The following RGS11 variants were observed in gnomAD, a reference collection of about 807,000 sequenced individuals.
The protein encoded by RGS11 is regulator of G protein signaling 11, also known as regulator of G-protein signaling 11.
In RGS11, 86 loss-of-function variants were observed where a neutral mutation model predicts 71.1. The ratio of observed to expected loss-of-function variants is 1.21; its 90% CI spans 1.02 to 1.45. The LOEUF is 1.45. Ranked by LOEUF, RGS11 falls within the 40% of genes most tolerant of loss-of-function variation. The pLI is 0.00. For synonymous variants in RGS11, 298 were observed against 254.2 expected (o/e 1.17, Z -1.64); for missense variants, 734 against 635.1 (o/e 1.16, Z -1.67).
Position 275,339 on chromosome 16 carries a change from C to T in RGS11, c.161-6G>A. 1 of 1,612,268 alleles carries T rather than the reference C, an allele frequency of 6.2e-7. No homozygotes were observed. The highest frequency in any genetic ancestry group is 1.1e-5 in the South Asian group (1 of 91,070). ...CCACTGCACGACGTCGCTGCCTGCA[C>T]GGGAGAGACAGAGGTGGAGGGAGGC... is the stretch of plus-strand genomic sequence containing the variant. On this transcript the variant is annotated splice_region_variant and splice_polypyrimidine_tract_variant and intron_variant, in intron 2 of 16. Coordinates refer to ENST00000397770, the MANE Select transcript of RGS11 (RefSeq NM_183337.3).
In RGS11 at chr16:269,238, A is replaced by G. The variant is rs377266331; in HGVS notation, c.*31T>C. The G allele has an allele frequency of 6.3e-6, 9 of 1,437,406 alleles. No individual in the cohort carries two copies. The highest frequency in any genetic ancestry group is 2.4e-5 in the East Asian group (1 of 41,118). 89.0% of individuals were successfully genotyped at this position (1,437,406 alleles called of 1,614,324 possible). A position where few individuals can be genotyped will look rare whatever the true frequency, so the allele number is the denominator to read the frequency against. ...GCATTCACGCAGGACGTTGAGCTGCAGGGACTAGAGTGGCAGATGGGCCAG... is the reference window on the plus strand; with the variant it reads ...GCATTCACGCAGGACGTTGAGCTGCGGGGACTAGAGTGGCAGATGGGCCAG... On this transcript the variant is annotated 3_prime_UTR_variant, in exon 17 of 17. Transcript: ENST00000397770.
Position 269,281 on chromosome 16 carries a change from ATC to A in RGS11, c.1390_1391del (p.Asp464TrpfsTer13). 1.3e-6 allele frequency: 2 copies of A among 1,571,898 alleles called. No homozygotes were observed. The highest frequency in any genetic ancestry group is 1.7e-6 in the Non-Finnish European group (2 of 1,159,710). On this transcript the variant is annotated frameshift_variant, in exon 17 of 17. Coordinates refer to ENST00000397770, the MANE Select transcript of RGS11 (RefSeq NM_183337.3). LOFTEE classifies it high-confidence loss of function. ...PTAACGPGGG[D>X]GVA ...TGGGCCAGGTCCACTAGGCCACCCC[ATC>A]TCCACCCCCAGGGCCACAAGCCGCT...
At chr16:274,388 T>A (rs1296296718) in intron 4 of RGS11, 123 bp from the exon 5 acceptor site, 5 of 1,017,942 alleles carry the variant, frequency 4.9e-6, no homozygotes, top group Non-Finnish European at 7.2e-6. Context: ...AGGATCTCCC[T>A]GCCTGCCCAC....
chr16:270,650 G>T lies in RGS11; in HGVS notation c.1079C>A (p.Ala360Asp). ...LVDAVYEQFL[A>D]PGAAHWVNID... ...GTTGACCCAGTGGGCAGCTCCGGGG[G>T]CCAGGAACTGCCTAGGGGTGGGGAC... Residue 360 changes from alanine (A) to aspartate (D), a missense_variant, in exon 15 of 17, where the codon GCC becomes GAC. Physicochemically the swap from Ala to Asp is moderately radical, Grantham distance 126. Coordinates refer to ENST00000397770, the MANE Select transcript of RGS11 (RefSeq NM_183337.3). 9 of 1,609,672 alleles carry T rather than the reference G, an allele frequency of 5.6e-6. No individual in the cohort carries two copies. Among genetic ancestry groups the T allele is most frequent in the Non-Finnish European group, 7.6e-6 (9 of 1,178,744 alleles).
Position 274,228 on chromosome 16 carries a change from G to A in RGS11, c.356C>T (p.Ala119Val), listed in dbSNP as rs1176799694. ...CCCTTGCTCACCATAGTCCAGCTCT[G>A]CAGCCGGCCTCAGGGTACTTGTCCA... Reference protein sequence around the residue: ...YFWTSTLRPAAELDYAIYLAK... With the variant: ...YFWTSTLRPAVELDYAIYLAK... The change falls in exon 5 of 17, where the codon GCA (alanine) becomes GTA (valine). Residue 119 changes from alanine to valine, a missense_variant. Coordinates refer to ENST00000397770, the MANE Select transcript of RGS11 (RefSeq NM_183337.3). 1.9e-6 allele frequency: 3 copies of A among 1,610,912 alleles called. No individual in the cohort carries two copies. The highest frequency in any genetic ancestry group is 2.7e-5 in the African/African-American group (2 of 74,872).
Position 274,038 on chromosome 16 carries a change from C to T in RGS11, c.429+5G>A, listed in dbSNP as rs1472027421. ...AGCCGGGGCGGGAAGGGTGGGGGGT[C>T]CCACCTTCTCATAATCCACCAGGGT... is the stretch of plus-strand genomic sequence containing the variant. On this transcript the variant is annotated splice_donor_5th_base_variant and intron_variant, in intron 6 of 16. Coordinates refer to ENST00000397770, the MANE Select transcript of RGS11 (RefSeq NM_183337.3). 4 of 1,549,466 alleles carry T rather than the reference C, an allele frequency of 2.6e-6. No homozygotes were observed. The highest frequency in any genetic ancestry group is 1.9e-4 in the Middle Eastern group (1 of 5,350).
Position 272,923 on chromosome 16 carries a change from G to A in RGS11, c.597C>T (p.Ala199=), listed in dbSNP as rs1198626513. The A allele has an allele frequency of 1.3e-6, 2 of 1,515,298 alleles. No homozygotes were observed. Among genetic ancestry groups the A allele is most frequent in the East Asian group, 2.5e-5 (1 of 40,306 alleles). 93.9% of individuals were successfully genotyped at this position (1,515,298 alleles called of 1,614,324 possible). ...CTGGACCCTGCTCCAGCACATCGGGGGCCCCGGGCTGCGGAGGGGAGACGA... is the reference window on the plus strand; with the variant it reads ...CTGGACCCTGCTCCAGCACATCGGGAGCCCCGGGCTGCGGAGGGGAGACGA... ...YWLVNRPPPG[A]PDVLEQGPGR... The change falls in exon 9 of 17, where the codon GCC becomes GCT. Residue 199 remains alanine, a synonymous_variant. Coordinates refer to ENST00000397770, the MANE Select transcript of RGS11 (RefSeq NM_183337.3).
intron 4 of RGS11, 99 bp downstream of exon 4, chr16:274,877 C>T: frequency 6.7e-7 from 1 of 1,501,632 alleles, no homozygotes; most frequent in Non-Finnish European, 9.0e-7. Context: ...CCACTCCAAT[C>T]CCAGCAAGCT....
At position 271,335 on chromosome 16, in the gene RGS11, C is replaced by T. The variant is rs1048401933; in HGVS notation, c.750-20G>A. ...AGGTACCTGGAAGGGGGTATGGGGG[C>T]TGGTGCAGGAGGGGCCTCAGCACTC... On this transcript the variant is annotated intron_variant, in intron 11 of 16. Transcript: ENST00000397770. The T allele has an allele frequency of 6.2e-7, 1 of 1,612,466 alleles. No homozygotes were observed.
In RGS11 at chr16:268,748, C is replaced by T. The variant is rs1231718134; in HGVS notation, c.*521G>A. 1 of 1,545,510 alleles carries T rather than the reference C, an allele frequency of 6.5e-7. No homozygotes were observed. Among genetic ancestry groups the T allele is most frequent in the Non-Finnish European group, 8.7e-7 (1 of 1,144,692 alleles). On this transcript the variant is annotated 3_prime_UTR_variant, in exon 17 of 17. Transcript: ENST00000397770. ...GGCAGTGACCTCGAGGCAGCCTCAG[C>T]ACGGCACTCTCTTGGGTCCTCTTCC...
chr16:272,755 C>G, intron 9 of RGS11, 108 bp downstream of exon 9: 1 of 1,521,888 alleles, frequency 6.6e-7, no homozygotes, highest in Non-Finnish European at 8.8e-7. Flanking sequence ...ACCAAGTGCC[C>G]TCTGGGTGGA....
rs1351342774 is a variant in RGS11, at chr16:272,939, G to A, written c.589-8C>T. 8.7e-6 allele frequency: 13 copies of A among 1,491,840 alleles called. No homozygotes were observed. Among genetic ancestry groups the A allele is most frequent in the East Asian group, 2.5e-5 (1 of 39,922 alleles). The allele number at this position is 1,491,840 out of a possible 1,614,324, so 92.4% of individuals were successfully genotyped here. A position where few individuals can be genotyped will look rare whatever the true frequency, so the allele number is the denominator to read the frequency against. ...CACATCGGGGGCCCCGGGCTGCGGA[G>A]GGGAGACGAGATGAGGTGGGGATGC... On this transcript the variant is annotated splice_polypyrimidine_tract_variant and splice_region_variant and intron_variant, in intron 8 of 16. Coordinates refer to ENST00000397770, the MANE Select transcript of RGS11 (RefSeq NM_183337.3).
In RGS11 at chr16:269,571, C is replaced by A; in HGVS notation, c.1221G>T (p.Arg407Ser). The change falls in exon 16 of 17, where the codon AGG becomes AGT. Residue 407 changes from arginine (R) to serine (S), a missense_variant. Physicochemically the swap from Arg to Ser is moderately radical, Grantham distance 110 (BLOSUM62 -1). Coordinates refer to ENST00000397770, the MANE Select transcript of RGS11 (RefSeq NM_183337.3). ...CCTTGTACATGTCAGACTTCAGGAA[C>A]CTTGGGTAGGAGTCCTACAAGAGAC... is the stretch of plus-strand genomic sequence containing the variant. ...YMLMKKDSYP[R>S]FLKSDMYKAL... 1 of 1,613,290 alleles carries A rather than the reference C, an allele frequency of 6.2e-7. No homozygotes were observed. The highest frequency in any genetic ancestry group is 1.1e-5 in the South Asian group (1 of 91,090).
rs539720134 is a variant in RGS11 at position 268,337 on chromosome 16, T to C, written c.*932A>G. On this transcript the variant is annotated 3_prime_UTR_variant, in exon 17 of 17. Coordinates refer to ENST00000397770, the MANE Select transcript of RGS11 (RefSeq NM_183337.3). ...TCAGAGCCAGGGCCCAAGGGTCTTT[T>C]ATTTGTGTGCTGGACGCTGTTGGGA... The C allele has an allele frequency of 4.0e-6, 1 of 248,008 alleles. No homozygotes were observed. The highest frequency in any genetic ancestry group is 8.0e-6 in the Non-Finnish European group (1 of 125,062). The allele number at this position is 248,008 out of a possible 1,614,324, so 15.4% of individuals were successfully genotyped here. A position where few individuals can be genotyped will look rare whatever the true frequency, so the allele number is the denominator to read the frequency against.
intron 4 of RGS11, 80 bp downstream of exon 4, chr16:274,896 C>G: frequency 6.5e-7 from 1 of 1,536,570 alleles, no homozygotes; most frequent in Non-Finnish European, 8.8e-7. Flanking sequence ...CTCGGCGCCC[C>G]TCCTGTCTCC....
Position 273,055 on chromosome 16 carries a change from C to T in RGS11, c.589-124G>A, listed in dbSNP as rs868443895. On this transcript the variant is annotated intron_variant, in intron 8 of 16. Coordinates refer to ENST00000397770, the MANE Select transcript of RGS11 (RefSeq NM_183337.3). The stretch of plus-strand genomic sequence containing the variant: ...ACTCAAAGGAACTCGGGAAGAGTCC[C>T]GACCTAGCCGTCAGCTGTCTCTTCT... 50 of 905,558 alleles carry T rather than the reference C, an allele frequency of 5.5e-5. 2 individuals carry two copies. In the Middle Eastern group the frequency reaches 4.8e-3, roughly 86 times the overall value. The allele number at this position is 905,558 out of a possible 1,614,324, so 56.1% of individuals were successfully genotyped here.
rs1040837713 is a variant in RGS11, at chr16:268,670, T to G, written c.*599A>C. ...GGGAAAGCAGGTGCCGGCGCACCTG[T>G]GGACAAATTCTGGAACGCGTTTGGC... is the stretch of plus-strand genomic sequence containing the variant. On this transcript the variant is annotated 3_prime_UTR_variant, in exon 17 of 17. Coordinates refer to ENST00000397770, the MANE Select transcript of RGS11 (RefSeq NM_183337.3). The G allele has an allele frequency of 6.4e-6, 8 of 1,246,674 alleles. No homozygotes were observed. In the Admixed American group the frequency reaches 1.6e-4, roughly 26 times the overall value. 77.2% of individuals were successfully genotyped at this position (1,246,674 alleles called of 1,614,324 possible). A position where few individuals can be genotyped will look rare whatever the true frequency, so the allele number is the denominator to read the frequency against.
Position 273,825 on chromosome 16 carries a change from G to A in RGS11, c.441C>T (p.Asp147=). The change falls in exon 7 of 17, where the codon GAC becomes GAT. Residue 147 remains aspartate (D), a synonymous_variant. Transcript: ENST00000397770. Reference sequence around the variant, plus strand: ...CGTGGTTGATCTTCTTGTGTAGCCGGTCATAGCAGTCCTGGGGGCAGCGAG... The same window carrying A: ...CGTGGTTGATCTTCTTGTGTAGCCGATCATAGCAGTCCTGGGGGCAGCGAG... The part of the protein sequence containing the change: ...TLVDYEKDCY[D]RLHKKINHAW... 1 of 1,613,398 alleles carries A rather than the reference G, an allele frequency of 6.2e-7. No homozygotes were observed. The highest frequency in any genetic ancestry group is 8.5e-7 in the Non-Finnish European group (1 of 1,179,990).
At position 273,962 on chromosome 16, in the gene RGS11, G is replaced by A. The variant is rs750892905; in HGVS notation, c.429+81C>T. 479 of 1,479,590 alleles carry A rather than the reference G, an allele frequency of 3.2e-4. 1 individual carries two copies. The highest frequency in any genetic ancestry group is 4.1e-4 in the African/African-American group (29 of 71,244). The allele number at this position is 1,479,590 out of a possible 1,614,324, so 91.7% of individuals were successfully genotyped here. Reference sequence around the variant, plus strand: ...TGGGCTGTATGTTCTGGGGTAAACCGTGAAGCCCCGGGGGGCCGTGAGTGA... The same window carrying A: ...TGGGCTGTATGTTCTGGGGTAAACCATGAAGCCCCGGGGGGCCGTGAGTGA... On this transcript the variant is annotated intron_variant, in intron 6 of 16. Coordinates refer to ENST00000397770, the MANE Select transcript of RGS11 (RefSeq NM_183337.3).
Sources: allele counts gnomAD v4.1 joint callset, GRCh38; gene constraint gnomAD v4.1.1; transcripts MANE v1.5; gene names NCBI Gene and HGNC (gene_info 2026-07-23, HGNC 2026-07-21).